Variants in DPP6 observed in about 807,000 individuals in gnomAD.
The protein encoded by DPP6 is A-type potassium channel modulatory protein DPP6.
Under a neutral mutation model 122.6 loss-of-function variants are expected in DPP6, and 69 were observed. That is an observed-to-expected ratio of 0.56 (90% confidence interval 0.46 to 0.69). The LOEUF (loss-of-function observed/expected upper bound fraction) is 0.69, where lower values mean the gene tolerates loss of function less well. Ranked by LOEUF, DPP6 falls within the 30% of genes least tolerant of loss-of-function variation. DPP6 has a pLI of 0.00. For missense variants in DPP6, 928 were observed against 1,116.9 expected, an observed-to-expected ratio of 0.83 and a Z score of 2.41; for synonymous variants, 418 against 433.1, an observed-to-expected ratio of 0.97 and a Z score of 0.43.
intron 1 of DPP6, among the ~76,000 whole-genome samples, chr7:153,905,240 C>T (rs1585010762): frequency 6.6e-6 from 1 of 152,022 alleles, no homozygotes; most frequent in Admixed American, 6.6e-5. Flanking sequence ...TTATGGCTGG[C>T]TTTTGGGAAC....
At chr7:154,063,522 G>C (rs1195768027) in intron 1 of DPP6, among the ~76,000 whole-genome samples, 1 of 126,998 alleles carries the variant, frequency 7.9e-6, no homozygotes, top group Non-Finnish European at 1.7e-5. Flanking sequence ...CATCGCAGGA[G>C]GGGGAGGCAC....
intron 23 of DPP6, 89 bp from the exon 24 acceptor site, chr7:154,889,183 C>T (rs1286699697): frequency 1.3e-6 from 2 of 1,524,748 alleles, no homozygotes; most frequent in Non-Finnish European, 1.8e-6. Flanking sequence ...ATACACTTCA[C>T]CTACCTTCTC....
chr7:154,460,812 C>G (rs963677326), intron 2 of DPP6, among the ~76,000 whole-genome samples: 2 of 152,104 alleles, frequency 1.3e-5, no homozygotes, highest in African/African-American at 4.8e-5. Flanking sequence ...AATAGAGTAT[C>G]CATCCCCTTA....
chr7:153,839,360 C>T, the DPP6 span, among the ~76,000 whole-genome samples: 1 of 152,206 alleles, frequency 6.6e-6, no homozygotes, highest in East Asian at 1.9e-4. Flanking sequence ...AGGTTTCACA[C>T]ATTATTTCTT....
chr7:153,928,396 A>ATGTTTTTTTTTTTTTTTT (rs1275067491), intron 1 of DPP6, among the ~76,000 whole-genome samples: 1 of 43,698 alleles, frequency 2.3e-5, no homozygotes, highest in African/African-American at 7.9e-5. Context: ...CTTTTCTTTC[A>ATGTTTTTTTTTTTTTTTT]TTTTTTTTTT....
intron 1 of DPP6, among the ~76,000 whole-genome samples, chr7:153,950,499 A>G (rs1395715870): frequency 6.6e-6 from 1 of 152,152 alleles, no homozygotes; most frequent in Non-Finnish European, 1.5e-5. Context: ...CTTGTTAGAA[A>G]TATGTTTGCA....
chr7:154,583,194 G>C (rs1054772087), intron 5 of DPP6, among the ~76,000 whole-genome samples: 1 of 152,228 alleles, frequency 6.6e-6, no homozygotes, highest in South Asian at 2.1e-4. Context: ...CACAGACTGG[G>C]CAGCTTAAAC....
chr7:154,578,848 A>G (rs1330273546), intron 5 of DPP6, among the ~76,000 whole-genome samples: 1 of 152,136 alleles, frequency 6.6e-6, no homozygotes, highest in Non-Finnish European at 1.5e-5. Context: ...GGGAGGAGGA[A>G]CATGCAGGGT....
intron 8 of DPP6, among the ~76,000 whole-genome samples, chr7:154,731,074 G>T (rs1842315754): frequency 1.3e-5 from 2 of 152,214 alleles, no homozygotes; most frequent in African/African-American, 4.8e-5. Context: ...GAGGCTGGGA[G>T]CACAGGAGCC....
In DPP6 at chr7:154,602,246, C is replaced by T. The variant is rs1396909084; in HGVS notation, c.627+35330C>T. ...TTTTGGTATATCGTGTAAAAGCCTA[C>T]AGCAGTATTCTTCCATCATTTCACC... On this transcript the variant is annotated intron_variant, in intron 5 of 25. Coordinates refer to ENST00000377770, the MANE Select transcript of DPP6 (RefSeq NM_130797.4). Among the ~76,000 whole-genome samples, 2 of 120,796 alleles carry T rather than the reference C, an allele frequency of 1.7e-5. 1 individual carries two copies. Among genetic ancestry groups the T allele is most frequent in the South Asian group, 6.8e-4 (2 of 2,944 alleles). 79.2% of individuals were successfully genotyped at this position (120,796 alleles called of 152,430 possible). A position where few individuals can be genotyped will look rare whatever the true frequency, so the allele number is the denominator to read the frequency against.
intron 1 of DPP6, among the ~76,000 whole-genome samples, chr7:154,367,911 A>G (rs1812319522): frequency 6.6e-6 from 1 of 152,164 alleles, no homozygotes; most frequent in Admixed American, 6.5e-5. Context: ...GGTTCAAGCG[A>G]TTCTCCTGCC....
chr7:154,082,309 G>C (rs1290930178), intron 1 of DPP6, among the ~76,000 whole-genome samples: 1 of 152,092 alleles, frequency 6.6e-6, no homozygotes, highest in African/African-American at 2.4e-5. Flanking sequence ...TTGTATCATA[G>C]GGGTTGTTTT....
intron 1 of DPP6, among the ~76,000 whole-genome samples, chr7:153,911,631 T>C (rs972262531): frequency 6.6e-6 from 1 of 152,218 alleles, no homozygotes; most frequent in African/African-American, 2.4e-5. Context: ...AGATTGGTAA[T>C]TTGGTAATCA....
In DPP6 at chr7:154,612,287, C is replaced by A. The variant is rs554557539; in HGVS notation, c.628-25534C>A. Among the ~76,000 whole-genome samples the A allele has an allele frequency of 5.9e-5, 9 of 152,358 alleles. No homozygotes were observed. The South Asian group carries it at 6.2e-4, about 11-fold the overall frequency. On this transcript the variant is annotated intron_variant, in intron 5 of 25. Coordinates refer to ENST00000377770, the MANE Select transcript of DPP6 (RefSeq NM_130797.4). ...ATACAGAGCAGTTCTGTCATGAGGA[C>A]CCCTCGTGATACTCTGACAGCCACA...
intron 7 of DPP6, among the ~76,000 whole-genome samples, chr7:154,706,200 C>T (rs538339057): frequency 2.0e-5 from 3 of 152,308 alleles, no homozygotes; most frequent in East Asian, 1.9e-4. Flanking sequence ...ATCCTCTCAC[C>T]GCCTGCCTTG....
chr7:153,851,299 T>A, the DPP6 span, among the ~76,000 whole-genome samples: 1 of 152,216 alleles, frequency 6.6e-6, no homozygotes, highest in African/African-American at 2.4e-5. Flanking sequence ...ACTTGCTGAC[T>A]TTTCATTAAA....
intron 1 of DPP6, chr7:154,095,046 TG>T (rs1447673744): frequency 6.6e-6 from 1 of 152,224 alleles, no homozygotes; most frequent in Non-Finnish European, 1.5e-5. Context: ...GCAGGACATG[TG>T]CTGCCCAGGC....
At chr7:154,146,660 C>T (rs1185851484) in intron 1 of DPP6, among the ~76,000 whole-genome samples, 3 of 152,234 alleles carry the variant, frequency 2.0e-5, no homozygotes. Context: ...AATGTTATGC[C>T]ACCTCTATAT....
chr7:154,367,109 G>A (rs1479743352), intron 1 of DPP6, among the ~76,000 whole-genome samples: 2 of 147,846 alleles, frequency 1.4e-5, no homozygotes, highest in African/African-American at 5.3e-5. Flanking sequence ...TTGAGAGACA[G>A]GGACTGACAA....
Sources: allele counts gnomAD v4.1 joint callset (sites outside exome capture counted in the v4.1 genomes callset), GRCh38; gene constraint gnomAD v4.1.1; transcripts MANE v1.5; gene names NCBI Gene and HGNC (gene_info 2026-07-23, HGNC 2026-07-21).